The following GNAS variants were observed in gnomAD, a reference collection of about 807,000 sequenced individuals.
GNAS encodes GNAS complex locus, also known as protein ALEX.
Under a neutral mutation model 54.5 loss-of-function variants are expected in GNAS, and 8 were observed. The observed-to-expected ratio is 0.15, with a 90% CI of 0.09 to 0.26. GNAS has a LOEUF of 0.26. Among genes scored for constraint, GNAS ranks in the 10% least tolerant of loss-of-function variants. The pLI is 1.00. For missense variants in GNAS, 170 were observed against 529.8 expected, an observed-to-expected ratio of 0.32 and a Z score of 6.67; for synonymous variants, 204 against 191.4, an observed-to-expected ratio of 1.07 and a Z score of -0.54.
upstream of GNAS, among the ~76,000 whole-genome samples, chr20:58,888,261 T>C (rs751868185): frequency 2.6e-5 from 4 of 152,132 alleles, no homozygotes; most frequent in Non-Finnish European, 4.4e-5. Context: ...CTTAGCCTGA[T>C]TACCTGGCCG....
At chr20:58,845,888 G>A (rs972977795) in intron 1 of GNAS, among the ~76,000 whole-genome samples, 8 of 152,174 alleles carry the variant, frequency 5.3e-5, no homozygotes, top group East Asian at 3.8e-4. Flanking sequence ...AACTATTCCC[G>A]GGTAGAAATG....
chr20:58,895,497 T>TGTTGGTCTGTTGCAA, intron 1 of GNAS, 115 bp from the exon 2 acceptor site: 1 of 731,712 alleles, frequency 1.4e-6, no homozygotes. Flanking sequence ...TGTGATTTTG[T>TGTTGGTCTGTTGCAA]GTTTGGTTTT....
At chr20:58,907,388 GA>G (rs2091138645) in intron 6 of GNAS, among the ~76,000 whole-genome samples, 1 of 152,104 alleles carries the variant, frequency 6.6e-6, no homozygotes, top group Non-Finnish European at 1.5e-5. Flanking sequence ...TCAAAAGTTC[GA>G]ACCAAAAGCT....
intron 1 of GNAS, among the ~76,000 whole-genome samples, chr20:58,893,407 T>G (rs2089717859): frequency 6.6e-6 from 1 of 152,172 alleles, no homozygotes; most frequent in Admixed American, 6.5e-5. Context: ...TCCTTGATAA[T>G]TTGGCTATCT....
chr20:58,889,020 C>A (rs1419259603), upstream of GNAS: 1 of 980,716 alleles, frequency 1.0e-6, no homozygotes. Flanking sequence ...CGGCCTGCAC[C>A]CCCAGGGTGC....
chr20:58,887,549 T>C (rs974714154), upstream of GNAS, among the ~76,000 whole-genome samples: 3 of 152,244 alleles, frequency 2.0e-5, no homozygotes, highest in African/African-American at 7.2e-5. Context: ...CAGGTGTATC[T>C]GCACAATATT....
chr20:58,871,295 GA>G (rs1298128229), intron 1 of GNAS, among the ~76,000 whole-genome samples: 1 of 152,186 alleles, frequency 6.6e-6, no homozygotes, highest in Non-Finnish European at 1.5e-5. Context: ...GGTGCAAACG[GA>G]AGGAAAGAAG....
In GNAS at chr20:58,891,521, G is replaced by T. The variant is rs2089307091; in HGVS notation, c.-206G>T. ...GGGCGGGGAGCTGCGCGCGCCCCTC[G>T]GTCCGACCGACACCCTCCCCTTCCC... On this transcript the variant is annotated 5_prime_UTR_variant, in exon 1 of 13. Transcript: ENST00000371085. 1.1e-5 allele frequency: 11 copies of T among 975,282 alleles called. No homozygotes were observed. In the Admixed American group the frequency reaches 3.8e-4, roughly 34 times the overall value. 60.4% of individuals were successfully genotyped at this position (975,282 alleles called of 1,614,324 possible).
chr20:58,901,359 C>T (rs1269715195), intron 3 of GNAS, among the ~76,000 whole-genome samples: 1 of 152,320 alleles, frequency 6.6e-6, no homozygotes, highest in South Asian at 2.1e-4. Flanking sequence ...AGCAGACAGT[C>T]GCACAGAGCG....
intron 1 of GNAS, among the ~76,000 whole-genome samples, chr20:58,877,336 C>A (rs1052582497): frequency 6.6e-6 from 1 of 152,024 alleles, no homozygotes; most frequent in Non-Finnish European, 1.5e-5. Flanking sequence ...TGTGGGGGCC[C>A]AGGACTAGTC....
intron 1 of GNAS, among the ~76,000 whole-genome samples, chr20:58,885,421 GA>G (rs1483339416): frequency 6.6e-6 from 1 of 152,216 alleles, no homozygotes; most frequent in Admixed American, 6.5e-5. Flanking sequence ...GTTTGAATTA[GA>G]GTATGTTCTG....
intron 1 of GNAS, among the ~76,000 whole-genome samples, chr20:58,877,665 G>A (rs918067306): frequency 8.5e-5 from 13 of 152,232 alleles, no homozygotes; most frequent in Non-Finnish European, 1.9e-4. Flanking sequence ...CGTGTTTTAG[G>A]AATGGGGAAA....
At chr20:58,862,333 T>A (rs115362105) in intron 1 of GNAS, among the ~76,000 whole-genome samples, 2,353 of 151,464 alleles carry the variant, frequency 0.016, 61 homozygotes, top group African/African-American at 0.054. Flanking sequence ...AACTTTTATA[T>A]TTTTTAGTAG....
At chr20:58,839,780 C>G (rs2145468182), upstream of GNAS, 1 of 569,748 alleles carries the variant, frequency 1.8e-6, no homozygotes. Flanking sequence ...GCAAGAGGAC[C>G]GGCGGAGGCA....
At chr20:58,854,920 G>C (rs369336319) in intron 1 of GNAS, 5 of 1,600,052 alleles carry the variant, frequency 3.1e-6, no homozygotes, top group Non-Finnish European at 4.3e-6. Context: ...TCTGCCTGGC[G>C]GGGCAAGTCC....
intron 1 of GNAS, chr20:58,892,068 G>T: frequency 2.1e-6 from 2 of 952,738 alleles, no homozygotes; most frequent in Non-Finnish European, 2.5e-6. Context: ...AAAACGGGGC[G>T]GGGGGCCGTG....
At chr20:58,855,066 C>G in intron 1 of GNAS, 5 of 1,613,250 alleles carry the variant, frequency 3.1e-6, no homozygotes, top group African/African-American at 1.3e-5. Flanking sequence ...TCGCCGCCGC[C>G]GAAAGCCCCA....
chr20:58,839,925 T>C, upstream of GNAS: 1 of 633,964 alleles, frequency 1.6e-6, no homozygotes. Context: ...TAGAAAGTTC[T>C]TAAGTGGTCA....
intron 1 of GNAS, among the ~76,000 whole-genome samples, chr20:58,869,290 CA>C (rs1246541706): frequency 2.6e-5 from 4 of 152,202 alleles, no homozygotes; most frequent in Admixed American, 1.3e-4. Context: ...TATAAAGTTT[CA>C]ATAGATGAGG....
Sources: gnomAD v4.1 joint callset for allele counts (sites outside exome capture counted in the v4.1 genomes callset) on GRCh38, gnomAD v4.1.1 for gene constraint, MANE v1.5 for transcripts, NCBI Gene and HGNC (gene_info 2026-07-23, HGNC 2026-07-21) for gene names.